NXPH1: variants seen among roughly 807,000 people sequenced by gnomAD.
NXPH1 encodes the protein neurexophilin 1.
In NXPH1, 5 loss-of-function variants were observed where a neutral mutation model predicts 23.7. That is an observed-to-expected ratio of 0.21 (90% CI 0.11 to 0.44). NXPH1 has a LOEUF of 0.44. Ranked by LOEUF, NXPH1 falls within the 20% of genes least tolerant of loss-of-function variation. The pLI, the probability that NXPH1 is intolerant of heterozygous loss-of-function variation, is 0.99. For synonymous variants in NXPH1, 144 were observed against 122.2 expected (o/e 1.18, Z -1.18); for missense variants, 324 against 321.6 (o/e 1.01, Z -0.06).
intron 2 of NXPH1, among the ~76,000 whole-genome samples, chr7:8,620,822 C>G (rs2115123138): frequency 6.6e-6 from 1 of 152,268 alleles, no homozygotes; most frequent in Admixed American, 6.5e-5. Flanking sequence ...ACTTTAAAGG[C>G]CTCATGGGGA....
chr7:8,549,421 T>C (rs1301243241), intron 2 of NXPH1, among the ~76,000 whole-genome samples: 1 of 151,584 alleles, frequency 6.6e-6, no homozygotes, highest in Non-Finnish European at 1.5e-5. Context: ...GGCTTTATTC[T>C]GAGTAAGTAT....
At chr7:8,473,141 C>G (rs538285025) in intron 2 of NXPH1, among the ~76,000 whole-genome samples, 1 of 152,144 alleles carries the variant, frequency 6.6e-6, no homozygotes, top group African/African-American at 2.4e-5. Flanking sequence ...TTACCATTTT[C>G]GTATCTGAAG....
Position 8,433,709 on chromosome 7 carries a change from G to C in NXPH1, c.-1157G>C, listed in dbSNP as rs931940290. On this transcript the variant is annotated 5_prime_UTR_variant, in exon 1 of 3. Coordinates refer to ENST00000405863, the MANE Select transcript of NXPH1 (RefSeq NM_152745.3). This position sits in a 1 kb window ranked among gnomAD's most constrained non-coding sequence, Gnocchi z 6.8. ...GGAGGCGCCCGGCGTCGGCGCTCGAGGCCGGCAGGGGCGCCCTGCACCCTC... is the reference window on the plus strand; with the variant it reads ...GGAGGCGCCCGGCGTCGGCGCTCGACGCCGGCAGGGGCGCCCTGCACCCTC... Among the ~76,000 whole-genome samples, 5 of 151,978 alleles carry C rather than the reference G, an allele frequency of 3.3e-5. No individual in the cohort carries two copies. Among genetic ancestry groups the C allele is most frequent in the Non-Finnish European group, 5.9e-5 (4 of 67,960 alleles).
chr7:8,605,690 G>A (rs1819471744), intron 2 of NXPH1, among the ~76,000 whole-genome samples: 1 of 152,044 alleles, frequency 6.6e-6, no homozygotes, highest in South Asian at 2.1e-4. Context: ...CAAAAGAGTT[G>A]CAATGGATAC....
chr7:8,648,498 T>C (rs1431224188), intron 2 of NXPH1, among the ~76,000 whole-genome samples: 1 of 152,212 alleles, frequency 6.6e-6, no homozygotes, highest in Admixed American at 6.5e-5. Context: ...CTGGATCTCA[T>C]TGTATTTTAT....
At chr7:8,632,335 C>T (rs145980306) in intron 2 of NXPH1, among the ~76,000 whole-genome samples, 7 of 152,172 alleles carry the variant, frequency 4.6e-5, no homozygotes, top group East Asian at 1.9e-4. Flanking sequence ...ATATTTTATA[C>T]GTTGATTGCA....
intron 2 of NXPH1, among the ~76,000 whole-genome samples, chr7:8,450,396 A>G (rs1348212587): frequency 1.3e-5 from 2 of 152,256 alleles, no homozygotes; most frequent in African/African-American, 2.4e-5. Flanking sequence ...TTAAAACCTT[A>G]CAGTCAAAAG....
At chr7:8,607,723 C>A (rs1001332244) in intron 2 of NXPH1, among the ~76,000 whole-genome samples, 1 of 152,104 alleles carries the variant, frequency 6.6e-6, no homozygotes, top group Non-Finnish European at 1.5e-5. Context: ...GTTGGCTATG[C>A]CTTTATGGGA....
chr7:8,599,124 G>C (rs1267896073), intron 2 of NXPH1, among the ~76,000 whole-genome samples: 1 of 152,110 alleles, frequency 6.6e-6, no homozygotes. Flanking sequence ...AATGAACTGT[G>C]TTATAAGAGG....
intron 2 of NXPH1, among the ~76,000 whole-genome samples, chr7:8,713,041 A>G (rs1409216799): frequency 6.6e-6 from 1 of 151,768 alleles, no homozygotes; most frequent in Non-Finnish European, 1.5e-5. Flanking sequence ...TAAAGCCATA[A>G]CTCTTATATT....
chr7:8,603,289 A>G (rs1819404823), intron 2 of NXPH1, among the ~76,000 whole-genome samples: 1 of 152,248 alleles, frequency 6.6e-6, no homozygotes, highest in Non-Finnish European at 1.5e-5. Context: ...ATTCAGTAGT[A>G]TAAAGCATTT....
chr7:8,464,921 G>T (rs963865931), intron 2 of NXPH1, among the ~76,000 whole-genome samples: 4 of 152,184 alleles, frequency 2.6e-5, no homozygotes, highest in Non-Finnish European at 5.9e-5. Flanking sequence ...AAGTAGTTTA[G>T]ACTGTGGACT....
At chr7:8,693,643 A>G (rs572671442) in intron 2 of NXPH1, among the ~76,000 whole-genome samples, 121 of 152,340 alleles carry the variant, frequency 7.9e-4, no homozygotes, top group African/African-American at 2.8e-3. Context: ...TTAAAATCTC[A>G]GACCAGAAAA....
rs986641304 is a variant in NXPH1 at position 8,752,581 on chromosome 7, A to G, written c.*812A>G. The G allele has an allele frequency of 3.3e-5, 5 of 152,580 alleles. No individual in the cohort carries two copies. The highest frequency in any genetic ancestry group is 1.2e-4 in the African/African-American group (5 of 41,446). The allele number at this position is 152,580 out of a possible 1,614,324, so 9.5% of individuals were successfully genotyped here. On this transcript the variant is annotated 3_prime_UTR_variant, in exon 3 of 3. Transcript: ENST00000405863. ...TTATATAAGAAGGGAAATGCCTGGCAGACACCATGTAAGTTATAAGTGTCT... is the reference window on the plus strand; with the variant it reads ...TTATATAAGAAGGGAAATGCCTGGCGGACACCATGTAAGTTATAAGTGTCT...
At chr7:8,519,320 C>G (rs1440652920) in intron 2 of NXPH1, among the ~76,000 whole-genome samples, 1 of 152,146 alleles carries the variant, frequency 6.6e-6, no homozygotes, top group African/African-American at 2.4e-5. Flanking sequence ...GTTGCCCCTT[C>G]CTATGTAGAC....
intron 2 of NXPH1, among the ~76,000 whole-genome samples, chr7:8,745,865 C>A (rs1780462178): frequency 6.6e-6 from 1 of 152,042 alleles, no homozygotes; most frequent in African/African-American, 2.4e-5. Context: ...CTGTCCCCGG[C>A]CCTGTTCTTT....
At chr7:8,668,762 T>C (rs886564398) in intron 2 of NXPH1, among the ~76,000 whole-genome samples, 7 of 151,840 alleles carry the variant, frequency 4.6e-5, no homozygotes, top group African/African-American at 1.7e-4. Context: ...GCCTGAAGCT[T>C]GTGTTCATGG....
chr7:8,673,837 C>G (rs886937092), intron 2 of NXPH1, among the ~76,000 whole-genome samples: 10 of 151,826 alleles, frequency 6.6e-5, no homozygotes, highest in African/African-American at 1.9e-4. Flanking sequence ...CACATCTTCC[C>G]CAAATTATTT....
chr7:8,536,675 T>G (rs7809396), intron 2 of NXPH1, among the ~76,000 whole-genome samples: 5 of 151,588 alleles, frequency 3.3e-5, no homozygotes, highest in African/African-American at 4.8e-5. Flanking sequence ...AGGTAGAAAA[T>G]GTATTGTAAG....
Sources: gnomAD v4.1 joint callset for allele counts (sites outside exome capture counted in the v4.1 genomes callset) on GRCh38, gnomAD v4.1.1 for gene constraint, Gnocchi (gnomAD v3.1) non-coding constraint, MANE v1.5 for transcripts, NCBI Gene and HGNC (gene_info 2026-07-23, HGNC 2026-07-21) for gene names.